FOXP1: variants seen among roughly 807,000 people sequenced by gnomAD.
FOXP1 encodes the protein forkhead box P1, also known as forkhead box protein P1.
In FOXP1, 15 loss-of-function variants were observed where a neutral mutation model predicts 98.2. That is an observed-to-expected ratio of 0.15 (90% CI 0.10 to 0.24). The LOEUF (loss-of-function observed/expected upper bound fraction) is 0.24, where lower values mean the gene tolerates loss of function less well. Among genes scored for constraint, FOXP1 ranks in the 10% least tolerant of loss-of-function variants. The pLI, the probability that FOXP1 is intolerant of heterozygous loss-of-function variation, is 1.00. For synonymous variants in FOXP1, 371 were observed against 314.5 expected (o/e 1.18, Z -1.90); for missense variants, 633 against 848.5 (o/e 0.75, Z 3.15).
At position 71,348,573 on chromosome 3, in the gene FOXP1, ATG is replaced by A. The variant is rs1166962716; in HGVS notation, c.-73+10575_-73+10576del. ...TGCGTGCGCGCGCGCACGCATATGC[ATG>A]TGTGTATAAGTCACACATGCAGGTG... On this transcript the variant is annotated intron_variant, in intron 4 of 20. Coordinates refer to ENST00000649528, the MANE Select transcript of FOXP1 (RefSeq NM_001349338.3). 6.3e-5 allele frequency among the ~76,000 whole-genome samples: 9 copies of A among 142,254 alleles called. No homozygotes were observed. The East Asian group carries it at 1.0e-3, about 16-fold the overall frequency. 93.3% of individuals were successfully genotyped at this position (142,254 alleles called of 152,430 possible). A position where few individuals can be genotyped will look rare whatever the true frequency, so the allele number is the denominator to read the frequency against.
chr3:71,379,973 A>T (rs903049320), intron 3 of FOXP1, among the ~76,000 whole-genome samples: 3 of 152,238 alleles, frequency 2.0e-5, no homozygotes, highest in Non-Finnish European at 4.4e-5. Flanking sequence ...TTTATATTCT[A>T]ACAAGTGAGG....
chr3:71,342,830 T>A (rs942580035), intron 4 of FOXP1, among the ~76,000 whole-genome samples: 3 of 152,188 alleles, frequency 2.0e-5, no homozygotes, highest in African/African-American at 7.2e-5. Flanking sequence ...TCCCCAACGG[T>A]GACATCTTGT....
chr3:71,374,953 C>T (rs541744313), intron 3 of FOXP1, among the ~76,000 whole-genome samples: 58 of 152,200 alleles, frequency 3.8e-4, no homozygotes, highest in Admixed American at 6.5e-4. Context: ...AGAAGACTAC[C>T]TGGCCTTTCA....
At chr3:71,141,701 C>T (rs540875094) in intron 6 of FOXP1, among the ~76,000 whole-genome samples, 1 of 152,214 alleles carries the variant, frequency 6.6e-6, no homozygotes, top group South Asian at 2.1e-4. Flanking sequence ...ATACTACAGT[C>T]TAGCAGGAGA....
chr3:71,550,282 AC>A (rs1052594537), intron 2 of FOXP1, among the ~76,000 whole-genome samples: 6 of 152,036 alleles, frequency 3.9e-5, no homozygotes, highest in African/African-American at 1.5e-4. Flanking sequence ...GAGAGCACAA[AC>A]CCTTCAACAA....
chr3:71,501,011 G>A (rs765018995), intron 2 of FOXP1, among the ~76,000 whole-genome samples: 1 of 152,072 alleles, frequency 6.6e-6, no homozygotes, highest in Non-Finnish European at 1.5e-5. Flanking sequence ...GGCCAACATG[G>A]TGAAACCCTG....
chr3:71,229,890 G>A (rs1292320740), intron 5 of FOXP1, among the ~76,000 whole-genome samples: 1 of 151,980 alleles, frequency 6.6e-6, no homozygotes, highest in African/African-American at 2.4e-5. Flanking sequence ...AAAGCTCCAC[G>A]GCCACTCGAG....
At chr3:71,167,440 C>T (rs1320391705) in intron 6 of FOXP1, among the ~76,000 whole-genome samples, 3 of 152,066 alleles carry the variant, frequency 2.0e-5, no homozygotes, top group Non-Finnish European at 4.4e-5. Context: ...TAAGAGAGCA[C>T]GTGTGAATTT....
chr3:71,339,676 A>G (rs1227646940), intron 4 of FOXP1, among the ~76,000 whole-genome samples: 5 of 152,230 alleles, frequency 3.3e-5, no homozygotes. Context: ...TTTACTTCAT[A>G]TTTGTGAACC....
At chr3:71,124,816 G>A (rs1297722660) in intron 6 of FOXP1, among the ~76,000 whole-genome samples, 1 of 152,196 alleles carries the variant, frequency 6.6e-6, no homozygotes, top group East Asian at 1.9e-4. Flanking sequence ...CCAGGCATAA[G>A]AGAATATATT....
At chr3:71,496,597 G>A (rs147549004) in intron 2 of FOXP1, among the ~76,000 whole-genome samples, 1,603 of 152,170 alleles carry the variant, frequency 0.011, 15 homozygotes, top group Middle Eastern at 0.02. Context: ...CGAGGCGGGC[G>A]GATCACGAGG....
At chr3:71,280,284 T>A (rs556242113) in intron 5 of FOXP1, among the ~76,000 whole-genome samples, 1 of 152,078 alleles carries the variant, frequency 6.6e-6, no homozygotes, top group African/African-American at 2.4e-5. Flanking sequence ...TTTTAACCTA[T>A]AATCAACACC....
intron 2 of FOXP1, among the ~76,000 whole-genome samples, chr3:71,537,970 G>C (rs964849124): frequency 1.3e-5 from 2 of 152,198 alleles, no homozygotes; most frequent in Admixed American, 6.5e-5. Context: ...GTCACTTACA[G>C]ATTGTCTATG....
intron 3 of FOXP1, among the ~76,000 whole-genome samples, chr3:71,456,137 A>G (rs183780469): frequency 2.3e-4 from 35 of 152,270 alleles, no homozygotes; most frequent in Admixed American, 5.2e-4. Context: ...CAAGTATTTG[A>G]GGGAGGTAGC....
chr3:71,500,293 GGTTT>G (rs1009671709), intron 2 of FOXP1, among the ~76,000 whole-genome samples: 6 of 152,260 alleles, frequency 3.9e-5, no homozygotes, highest in East Asian at 1.9e-4. Flanking sequence ...AAACCTTTTC[GGTTT>G]GTTTGTTTAT....
intron 2 of FOXP1, among the ~76,000 whole-genome samples, chr3:71,522,517 G>A (rs567014269): frequency 1.1e-4 from 16 of 152,256 alleles, no homozygotes; most frequent in African/African-American, 3.6e-4. Flanking sequence ...TGACTTTCCT[G>A]ATTCTCAGCG....
intron 3 of FOXP1, among the ~76,000 whole-genome samples, chr3:71,458,757 T>A (rs2087738091): frequency 6.6e-6 from 1 of 152,218 alleles, no homozygotes; most frequent in Non-Finnish European, 1.5e-5. Flanking sequence ...ATTTTACTTA[T>A]TCTGCAATTT....
chr3:71,091,713 T>A (rs546782098), intron 7 of FOXP1, among the ~76,000 whole-genome samples: 1 of 152,186 alleles, frequency 6.6e-6, no homozygotes, highest in Non-Finnish European at 1.5e-5. Context: ...AACCAATGAA[T>A]GTAATGCTAT....
At chr3:71,134,159 T>C (rs1023393527) in intron 6 of FOXP1, among the ~76,000 whole-genome samples, 9 of 152,234 alleles carry the variant, frequency 5.9e-5, no homozygotes, top group African/African-American at 1.9e-4. Context: ...TGTTTCTTTG[T>C]TGCTGTGTGG....
Sources: allele counts gnomAD v4.1 joint callset (sites outside exome capture counted in the v4.1 genomes callset), GRCh38; gene constraint gnomAD v4.1.1; transcripts MANE v1.5; gene names NCBI Gene and HGNC (gene_info 2026-07-23, HGNC 2026-07-21).